SPEG: variants seen among roughly 807,000 people sequenced by gnomAD.
SPEG encodes the protein striated muscle enriched protein kinase, also known as striated muscle preferentially expressed protein kinase.
A neutral mutation model predicts 300.4 loss-of-function variants in SPEG; 114 were observed. That is an observed-to-expected ratio of 0.38 (90% CI 0.33 to 0.44). The LOEUF is 0.44. Among genes scored for constraint, SPEG ranks in the 20% least tolerant of loss-of-function variants. The probability of loss-of-function intolerance (pLI) is 1.00; values close to 1 mark genes in which losing one functional copy is unlikely to be tolerated. For synonymous variants in SPEG, 1,964 were observed against 2,018.9 expected (o/e 0.97, Z 0.73); for missense variants, 4,201 against 4,586.2 (o/e 0.92, Z 2.43).
intron 40 of SPEG, 31 bp downstream of exon 40, chr2:219,492,291 G>C (rs1205297102): frequency 6.3e-7 from 1 of 1,599,482 alleles, no homozygotes; most frequent in Admixed American, 1.7e-5. Context: ...CTATCCCCCA[G>C]TGTTACCTGC....
rs1041867572 is a variant in SPEG, at chr2:219,489,672, C to T, written c.8654C>T (p.Ala2885Val). The T allele has an allele frequency of 1.9e-6, 3 of 1,614,088 alleles. No homozygotes were observed. The South Asian group carries it at 3.3e-5, about 18-fold the overall frequency. Residue 2885 changes from alanine to valine, a missense_variant, in exon 36 of 41, where the codon GCC becomes GTC. Physicochemically the swap from Ala to Val is moderately conservative, Grantham distance 64 (BLOSUM62 0). Around this residue, in one of 4 missense-constraint regions of SPEG, gnomAD observed 1,578 missense variants for 1,506.0 expected, o/e 1.05. Transcript: ENST00000312358. ...CTTGACACTGGGACCCCGATCCCAGCCTCCACTCCTCAAGGGGTTAAACCA... is the reference window on the plus strand; with the variant it reads ...CTTGACACTGGGACCCCGATCCCAGTCTCCACTCCTCAAGGGGTTAAACCA... ...FVLDTGTPIP[A>V]STPQGVKPVS... is the part of the protein sequence containing the mutation.
At chr2:219,452,692 G>T (rs557590739) in intron 6 of SPEG, among the ~76,000 whole-genome samples, 1 of 152,240 alleles carries the variant, frequency 6.6e-6, no homozygotes, top group South Asian at 2.1e-4. Context: ...GGATGCCTGC[G>T]CTGAGAGACG....
In SPEG at chr2:219,493,059, G is replaced by A. The variant is rs776414136; in HGVS notation, c.*273G>A. The A allele has an allele frequency of 2.9e-6, 2 of 681,656 alleles. No homozygotes were observed. The highest frequency in any genetic ancestry group is 2.8e-5 in the East Asian group (1 of 35,518). 42.2% of individuals were successfully genotyped at this position (681,656 alleles called of 1,614,324 possible). A position where few individuals can be genotyped will look rare whatever the true frequency, so the allele number is the denominator to read the frequency against. ...AGGGACAAGAGGGGAATGGAGAAGT[G>A]GAGAGGAAAAGGAATCGAGGGACAG... On this transcript the variant is annotated 3_prime_UTR_variant, in exon 41 of 41. Coordinates refer to ENST00000312358, the MANE Select transcript of SPEG (RefSeq NM_005876.5).
At position 219,449,054 on chromosome 2, in the gene SPEG, GC is replaced by G. The variant is rs1156665541; in HGVS notation, c.1901del (p.Pro634ArgfsTer86). ...TKAPPGRKREPPAQAVRFLPW... is the reference protein window; with the variant it reads ...TKAPPGRKREXPAQAVRFLPW... ...AAGCACCCCCCGGTCGGAAGCGGGAGCCCCCGGCGCAGGCCGTGCGCTTCCT... is the reference window on the plus strand; with the variant it reads ...AAGCACCCCCCGGTCGGAAGCGGGAGCCCCGGCGCAGGCCGTGCGCTTCCT... On this transcript the variant is annotated frameshift_variant, in exon 4 of 41. Transcript: ENST00000312358. LOFTEE classifies it high-confidence loss of function. The G allele has an allele frequency of 4.6e-6, 7 of 1,518,570 alleles. No individual in the cohort carries two copies. The Admixed American group carries it at 6.2e-5, about 14-fold the overall frequency. 94.1% of individuals were successfully genotyped at this position (1,518,570 alleles called of 1,614,324 possible).
rs774870453 is a variant in SPEG, at chr2:219,472,276, G to A, written c.3885G>A (p.Thr1295=). The part of the protein sequence containing the change: ...PDGAPQVVAV[T]GRMVTLTWNP... ...GCGCCCCGCAGGTGGTGGCTGTGAC[G>A]GGGAGGATGGTCACACTCACATGGA... is the stretch of plus-strand genomic sequence containing the variant. Residue 1295 remains threonine (T), a synonymous_variant, in exon 15 of 41, where the codon ACG becomes ACA. Transcript: ENST00000312358. The A allele has an allele frequency of 4.0e-5, 65 of 1,613,762 alleles. No homozygotes were observed. The East Asian group carries it at 7.6e-4, about 19-fold the overall frequency.
chr2:219,456,734 C>G (rs1575081485), intron 6 of SPEG, among the ~76,000 whole-genome samples: 1 of 152,010 alleles, frequency 6.6e-6, no homozygotes, highest in African/African-American at 2.4e-5. Flanking sequence ...ATAGTGAAAC[C>G]CTGTCTCTAC....
Position 219,448,560 on chromosome 2 carries a change from C to T in SPEG, c.1402C>T (p.Arg468Cys), listed in dbSNP as rs759048169. 38 of 1,450,662 alleles carry T rather than the reference C, an allele frequency of 2.6e-5. No homozygotes were observed. In the South Asian group the frequency reaches 4.9e-4, roughly 19 times the overall value. 89.9% of individuals were successfully genotyped at this position (1,450,662 alleles called of 1,614,324 possible). A position where few individuals can be genotyped will look rare whatever the true frequency, so the allele number is the denominator to read the frequency against. Residue 468 changes from arginine to cysteine, a missense_variant, in exon 4 of 41, where the codon CGC (arginine) becomes TGC (cysteine). This residue lies in a region of SPEG where 1,258 missense variants were observed against 1,293.9 expected (regional missense o/e 0.97). Transcript: ENST00000312358. ...GCCAGGCAGCGTGGCCGAGCGGCGC[C>T]GCCTGTTCCAGCAGAAAGCGGCCTC... ...RAPGSVAERR[R>C]LFQQKAASLD... is the part of the protein sequence containing the mutation.
chr2:219,463,499 C>T (rs1042216191), intron 8 of SPEG, among the ~76,000 whole-genome samples: 1 of 144,464 alleles, frequency 6.9e-6, no homozygotes, highest in Non-Finnish European at 1.5e-5. Context: ...CTGCAACCTC[C>T]GCCTCCTGGG....
At chr2:219,476,730 G>T (rs1486749922) in intron 18 of SPEG, 140 bp from the exon 19 acceptor site, 1 of 614,574 alleles carries the variant, frequency 1.6e-6, no homozygotes, top group Non-Finnish European at 2.8e-6. Flanking sequence ...GGGGTGGGGG[G>T]TGGTGGCTTG....
chr2:219,482,862 G>T lies in SPEG; in HGVS notation c.5634+10G>T. On this transcript the variant is annotated intron_variant, in intron 29 of 40. Transcript: ENST00000312358. ...CCGGCGGAGGTGGCAGGTAAGTGTG[G>T]CAGGCCAGCCTCTGTGCTTTCCACC... The T allele has an allele frequency of 6.2e-7, 1 of 1,613,024 alleles. No homozygotes were observed. The highest frequency in any genetic ancestry group is 8.5e-7 in the Non-Finnish European group (1 of 1,179,372).
chr2:219,435,755 AG>A (rs939982689), intron 1 of SPEG, among the ~76,000 whole-genome samples: 6 of 152,336 alleles, frequency 3.9e-5, no homozygotes, highest in African/African-American at 1.4e-4. Context: ...GCTCCTTAAC[AG>A]GGGAGTCCAT....
intron 18 of SPEG, among the ~76,000 whole-genome samples, chr2:219,475,767 G>C (rs1227107291): frequency 6.6e-6 from 1 of 152,220 alleles, no homozygotes; most frequent in Non-Finnish European, 1.5e-5. Context: ...CAGCCAGTCA[G>C]GGCTCTGATG....
chr2:219,442,138 C>T, intron 1 of SPEG: 2 of 1,119,636 alleles, frequency 1.8e-6, no homozygotes, highest in Non-Finnish European at 2.2e-6. Context: ...CCTGGGCGCC[C>T]CGGAGGGAGG....
chr2:219,449,321 C>G, intron 4 of SPEG, 50 bp downstream of exon 4: 2 of 1,324,370 alleles, frequency 1.5e-6, no homozygotes, highest in Non-Finnish European at 1.9e-6. Context: ...CGTCGGGGGG[C>G]GTTTGTGGAG....
In SPEG at chr2:219,488,591, A is replaced by G. The variant is rs1291167451; in HGVS notation, c.7952A>G (p.His2651Arg). The change falls in exon 33 of 41, where the codon CAC (histidine) becomes CGC (arginine). Residue 2651 changes from histidine to arginine, a missense_variant. Coordinates refer to ENST00000312358, the MANE Select transcript of SPEG (RefSeq NM_005876.5). ...LLSIPRAGKRHAGLYECSATN... is the reference protein window; with the variant it reads ...LLSIPRAGKRRAGLYECSATN... ...AGCATCCCCCGGGCGGGCAAGCGGC[A>G]CGCCGGTCTCTATGAGTGCTCGGCC... 1.9e-6 allele frequency: 3 copies of G among 1,612,348 alleles called. No homozygotes were observed. The highest frequency in any genetic ancestry group is 2.5e-6 in the Non-Finnish European group (3 of 1,179,458).
chr2:219,448,509 G>A lies in SPEG; in HGVS notation c.1351G>A (p.Gly451Arg), dbSNP rs776297641. 209 of 1,450,664 alleles carry A rather than the reference G, an allele frequency of 1.4e-4. 2 individuals carry two copies. The South Asian group carries it at 2.7e-3, about 19-fold the overall frequency. The allele number at this position is 1,450,664 out of a possible 1,614,324, so 89.9% of individuals were successfully genotyped here. ...GCGCGGCGCACCGTGGGGCACCCCCGGGGCCTCGCAGGAAGAACTGCGGGC... is the reference window on the plus strand; with the variant it reads ...GCGCGGCGCACCGTGGGGCACCCCCAGGGCCTCGCAGGAAGAACTGCGGGC... ...SERGAPWGTP[G>R]ASQEELRAPG... The change falls in exon 4 of 41, where the codon GGG (glycine) becomes AGG (arginine). Residue 451 changes from glycine to arginine, a missense_variant. Transcript: ENST00000312358.
rs1206314954 is a variant in SPEG, at chr2:219,483,854, T to C, written c.6391T>C (p.Phe2131Leu). ...ENRGLQKSSS[F>L]SQGEAEPRGR... ...CCGGGGCCTGCAAAAGAGCAGCAGC[T>C]TCTCCCAGGGTGAGGCGGAGCCCCG... The change falls in exon 30 of 41, where the codon TTC (phenylalanine) becomes CTC (leucine). Residue 2131 changes from phenylalanine to leucine, a missense_variant. Physicochemically the swap from Phe to Leu is conservative, Grantham distance 22 (BLOSUM62 0). Transcript: ENST00000312358. 12 of 1,592,880 alleles carry C rather than the reference T, an allele frequency of 7.5e-6. No homozygotes were observed. Among genetic ancestry groups the C allele is most frequent in the African/African-American group, 1.3e-5 (1 of 74,514 alleles).
chr2:219,483,205 C>T lies in SPEG; in HGVS notation c.5742C>T (p.Pro1914=), dbSNP rs758075178. The change falls in exon 30 of 41, where the codon CCC becomes CCT. Residue 1914 remains proline (P), a synonymous_variant. Transcript: ENST00000312358. ...TGACCATGCCCAGAAGGCCACCCCCCAGTGGGGGGCTCTCATCCTCCTCGG... is the reference window on the plus strand; with the variant it reads ...TGACCATGCCCAGAAGGCCACCCCCTAGTGGGGGGCTCTCATCCTCCTCGG... ...VWVTMPRRPP[P]SGGLSSSSDS... 3 of 1,609,998 alleles carry T rather than the reference C, an allele frequency of 1.9e-6. No homozygotes were observed. Among genetic ancestry groups the T allele is most frequent in the African/African-American group, 1.3e-5 (1 of 75,008 alleles).
chr2:219,436,198 T>C (rs1182940801), intron 1 of SPEG, among the ~76,000 whole-genome samples: 1 of 152,072 alleles, frequency 6.6e-6, no homozygotes, highest in Admixed American at 6.5e-5. Context: ...CCAGGTGCAG[T>C]GTGAAGAAAA....
Sources: gnomAD v4.1 joint callset for allele counts (sites outside exome capture counted in the v4.1 genomes callset) on GRCh38, gnomAD v4.1.1 for gene constraint, gnomAD v4.1.1 regional missense constraint, MANE v1.5 for transcripts, NCBI Gene and HGNC (gene_info 2026-07-23, HGNC 2026-07-21) for gene names.